Variants in CTNNA3 observed in about 807,000 individuals in gnomAD.
CTNNA3 encodes the protein catenin alpha 3, also known as catenin alpha-3.
CTNNA3 carries 76 observed loss-of-function variants against 95.7 expected under a neutral mutation model. The observed-to-expected ratio is 0.79, with a 90% CI of 0.66 to 0.96. The LOEUF (loss-of-function observed/expected upper bound fraction) is 0.96, where lower values mean the gene tolerates loss of function less well. Among genes scored for constraint, CTNNA3 ranks in the 40% least tolerant of loss-of-function variants. CTNNA3 has a pLI of 0.00. For missense variants in CTNNA3, 1,191 were observed against 1,089.8 expected (o/e 1.09, Z -1.31); for synonymous variants, 431 against 374.4 (o/e 1.15, Z -1.74).
At chr10:66,966,194 T>C (rs1191220329) in intron 7 of CTNNA3, among the ~76,000 whole-genome samples, 1 of 152,186 alleles carries the variant, frequency 6.6e-6, no homozygotes, top group Non-Finnish European at 1.5e-5. Context: ...ATTTTAACCA[T>C]CAGCATTAAT....
At chr10:67,250,298 C>T (rs1239719609) in intron 5 of CTNNA3, among the ~76,000 whole-genome samples, 1 of 151,852 alleles carries the variant, frequency 6.6e-6, no homozygotes, top group Non-Finnish European at 1.5e-5. Flanking sequence ...TCACTGCCAC[C>T]TCCACCTCCC....
intron 14 of CTNNA3, among the ~76,000 whole-genome samples, chr10:66,089,432 T>A (rs956803483): frequency 6.6e-6 from 1 of 151,538 alleles, no homozygotes; most frequent in Non-Finnish European, 1.5e-5. Context: ...TCTTCCTTCC[T>A]TCTATATACT....
At chr10:66,612,078 C>A (rs1309169213) in intron 10 of CTNNA3, among the ~76,000 whole-genome samples, 3 of 152,002 alleles carry the variant, frequency 2.0e-5, no homozygotes, top group African/African-American at 7.2e-5. Context: ...CTAATATAAC[C>A]ACTATTTTCC....
intron 17 of CTNNA3, among the ~76,000 whole-genome samples, chr10:65,951,046 T>C (rs560532379): frequency 2.6e-5 from 4 of 152,320 alleles, no homozygotes; most frequent in African/African-American, 9.6e-5. Flanking sequence ...AAACAATATA[T>C]TGTACCATTT....
intron 5 of CTNNA3, among the ~76,000 whole-genome samples, chr10:67,252,045 A>G (rs1159197854): frequency 6.6e-6 from 1 of 151,988 alleles, no homozygotes; most frequent in East Asian, 1.9e-4. Flanking sequence ...CTCTGTCTCT[A>G]CCAAGAAACA....
At chr10:66,153,787 G>T (rs1319125489) in intron 13 of CTNNA3, among the ~76,000 whole-genome samples, 1 of 151,366 alleles carries the variant, frequency 6.6e-6, no homozygotes, top group African/African-American at 2.4e-5. Flanking sequence ...ATCCTATGCT[G>T]GTCCTGTCTT....
chr10:66,721,336 T>C (rs748704), intron 9 of CTNNA3, among the ~76,000 whole-genome samples: 55,424 of 152,064 alleles, frequency 0.36, 10,534 homozygotes, highest in Non-Finnish European at 0.4. Context: ...CATGACAACA[T>C]ATAAGAAAAC....
At chr10:67,667,487 T>G (rs1840352089) in intron 1 of CTNNA3, among the ~76,000 whole-genome samples, 1 of 152,170 alleles carries the variant, frequency 6.6e-6, no homozygotes, top group Non-Finnish European at 1.5e-5. Context: ...AAGAGCAATC[T>G]CTTTTTCCTG....
intron 2 of CTNNA3, among the ~76,000 whole-genome samples, chr10:67,643,006 A>G (rs1158707134): frequency 6.6e-6 from 1 of 152,082 alleles, no homozygotes; most frequent in South Asian, 2.1e-4. Context: ...ATTCCATTAT[A>G]AAGATACATG....
At position 67,285,728 on chromosome 10, in the gene CTNNA3, G is replaced by A. The variant is rs1839572077; in HGVS notation, c.580-65858C>T. ...CAATTATTTAAAATTAATATTGTGT[G>A]GCCTAGGAATATGTTTTTATATAAT... On this transcript the variant is annotated intron_variant, in intron 5 of 17. Transcript: ENST00000433211. Among the ~76,000 whole-genome samples the A allele has an allele frequency of 2.0e-5, 3 of 152,110 alleles. No homozygotes were observed. In the South Asian group the frequency reaches 6.2e-4, roughly 32 times the overall value.
intron 11 of CTNNA3, among the ~76,000 whole-genome samples, chr10:66,474,773 T>C (rs1839263478): frequency 6.6e-6 from 1 of 152,104 alleles, no homozygotes. Context: ...TAGTTTTGAC[T>C]GAATTTCCCT....
intron 5 of CTNNA3, among the ~76,000 whole-genome samples, chr10:67,440,222 G>A (rs1846451648): frequency 6.6e-6 from 1 of 152,206 alleles, no homozygotes; most frequent in Admixed American, 6.5e-5. Context: ...ACCTGTGGTG[G>A]TGGTGGTGGC....
chr10:67,103,705 G>A (rs1858469277), intron 7 of CTNNA3, among the ~76,000 whole-genome samples: 1 of 151,768 alleles, frequency 6.6e-6, no homozygotes, highest in South Asian at 2.1e-4. Context: ...TCAAAAGTGA[G>A]AAGAGATTAT....
chr10:67,442,954 C>T (rs1446073147), intron 5 of CTNNA3, among the ~76,000 whole-genome samples: 26 of 108,504 alleles, frequency 2.4e-4, no homozygotes, highest in Admixed American at 4.7e-4. Context: ...CCTCCCCCCA[C>T]CCCACAACAG....
At chr10:66,358,468 T>C (rs186277813) in intron 12 of CTNNA3, among the ~76,000 whole-genome samples, 1 of 152,328 alleles carries the variant, frequency 6.6e-6, no homozygotes, top group Non-Finnish European at 1.5e-5. Context: ...TTAAGTATTA[T>C]GTCCAATGTT....
chr10:66,700,840 A>C (rs1847919418), intron 9 of CTNNA3, among the ~76,000 whole-genome samples: 1 of 152,206 alleles, frequency 6.6e-6, no homozygotes, highest in South Asian at 2.1e-4. Context: ...ATTTTATTCT[A>C]TAGCAGGAGC....
intron 12 of CTNNA3, among the ~76,000 whole-genome samples, chr10:66,298,506 T>C (rs1196048234): frequency 6.6e-6 from 1 of 152,046 alleles, no homozygotes; most frequent in Non-Finnish European, 1.5e-5. Flanking sequence ...TTGCTAAAGA[T>C]GAGATAAGAG....
chr10:66,745,491 A>G (rs536327574), intron 9 of CTNNA3, among the ~76,000 whole-genome samples: 3 of 152,236 alleles, frequency 2.0e-5, no homozygotes, highest in East Asian at 1.9e-4. Flanking sequence ...GATGTGCTCC[A>G]TAAGTGTCTG....
chr10:66,440,337 C>A (rs1319050418), intron 11 of CTNNA3, among the ~76,000 whole-genome samples: 1 of 151,666 alleles, frequency 6.6e-6, no homozygotes, highest in African/African-American at 2.4e-5. Context: ...TTCAGATTTG[C>A]CTATTTTTCT....
Sources: allele counts gnomAD v4.1 joint callset (sites outside exome capture counted in the v4.1 genomes callset), GRCh38; gene constraint gnomAD v4.1.1; transcripts MANE v1.5; gene names NCBI Gene and HGNC (gene_info 2026-07-23, HGNC 2026-07-21).